Variants in TOP1MT observed in about 807,000 individuals in gnomAD.
TOP1MT encodes DNA topoisomerase I mitochondrial, also known as DNA topoisomerase I, mitochondrial.
TOP1MT carries 80 observed loss-of-function variants against 73.9 expected under a neutral mutation model. That is an observed-to-expected ratio of 1.08 (90% CI 0.90 to 1.30). The LOEUF is 1.30. Among genes scored for constraint, TOP1MT ranks in the 50% most tolerant of loss-of-function variants. The pLI, the probability that TOP1MT is intolerant of heterozygous loss-of-function variation, is 0.00. For synonymous variants in TOP1MT, 338 were observed against 326.4 expected, an observed-to-expected ratio of 1.04 and a Z score of -0.38; for missense variants, 815 against 808.0, an observed-to-expected ratio of 1.01 and a Z score of -0.10.
intron 8 of TOP1MT, among the ~76,000 whole-genome samples, chr8:143,319,759 T>G (rs1816277311): frequency 6.6e-6 from 1 of 150,862 alleles, no homozygotes; most frequent in Non-Finnish European, 1.5e-5. Flanking sequence ...CCCTCCCAGG[T>G]GTACTGGGGT....
At chr8:143,345,970 G>C (rs1181232043), upstream of TOP1MT, among the ~76,000 whole-genome samples, 1 of 152,240 alleles carries the variant, frequency 6.6e-6, no homozygotes, top group Admixed American at 6.5e-5. Context: ...GGTGATGGTC[G>C]AGTGTGTGTG....
At chr8:143,331,734 A>G (rs1189003701) in intron 1 of TOP1MT, 1 of 164,264 alleles carries the variant, frequency 6.1e-6, no homozygotes, top group Non-Finnish European at 1.3e-5. Context: ...CATTTGCTAA[A>G]TAAAGGACCT....
Position 143,334,785 on chromosome 8 carries a change from CG to C in TOP1MT, c.76del (p.Arg26GlyfsTer26). 1 of 1,588,504 alleles carries C rather than the reference CG, an allele frequency of 6.3e-7. No homozygotes were observed. ...CGTCCTGCGCGAGCCCGGGACACCC[CG>C]GGAGGCCGGGCGGCGGGGGACCTCC... ...LGEVPRRPAS[R>X]GVPGSRRTQK... is the part of the protein sequence containing the mutation. On this transcript the variant is annotated frameshift_variant, in exon 1 of 14. Transcript: ENST00000329245. LOFTEE classifies it high-confidence loss of function.
At position 143,325,480 on chromosome 8, in the gene TOP1MT, T is replaced by TA. The variant is rs765162909; in HGVS notation, c.536dup (p.Leu179PhefsTer14). On this transcript the variant is annotated frameshift_variant, in exon 5 of 14. Transcript: ENST00000329245. LOFTEE classifies it high-confidence loss of function. ...TGCCTATTTTTTCTTGGTGACCATC[T>TA]AAAATACAGTAGCCGAACTCTTGCT... is the stretch of plus-strand genomic sequence containing the variant. 12 of 1,613,012 alleles carry TA rather than the reference T, an allele frequency of 7.4e-6. No individual in the cohort carries two copies. The African/African-American group carries it at 1.6e-4, about 21-fold the overall frequency.
chr8:143,347,345 CAG>C (rs1817242131), upstream of TOP1MT, among the ~76,000 whole-genome samples: 1 of 152,176 alleles, frequency 6.6e-6, no homozygotes, highest in African/African-American at 2.4e-5. Flanking sequence ...TTAGTAGAGA[CAG>C]GGTTTCACCA....
chr8:143,337,836 G>A (rs1817008204), upstream of TOP1MT, among the ~76,000 whole-genome samples: 1 of 152,156 alleles, frequency 6.6e-6, no homozygotes, highest in Non-Finnish European at 1.5e-5. Context: ...TTAAAGATCG[G>A]CCCGGACCTA....
intron 9 of TOP1MT, 26 bp downstream of exon 9, chr8:143,317,992 T>C: frequency 6.2e-7 from 1 of 1,613,834 alleles, no homozygotes; most frequent in Middle Eastern, 1.6e-4. Context: ...CGCCGCCCAC[T>C]GCTGAGGAAA....
rs887281439 is a variant in TOP1MT, at chr8:143,341,450, C to A, written c.29+1770G>T. On this transcript the variant is annotated intron_variant, in intron 2 of 5. Coordinates refer to the TOP1MT transcript ENST00000518007. The surrounding 1 kb of genome is among the most constrained non-coding windows in gnomAD (Gnocchi z 4.1). ...TGTGGCCTTGGGACCTTGCCCAGAA[C>A]AGAGAGCACACACCATGAGAGGGGC... Among the ~76,000 whole-genome samples, 1 of 152,208 alleles carries A rather than the reference C, an allele frequency of 6.6e-6. No individual in the cohort carries two copies. Among genetic ancestry groups the A allele is most frequent in the African/African-American group, 2.4e-5 (1 of 41,458 alleles).
Position 143,321,576 on chromosome 8 carries a change from A to ACG in TOP1MT, c.961-191_961-190insCG, listed in dbSNP as rs1407627347. Reference sequence around the variant, plus strand: ...CGCACGCCACACACACGCACGCCACACAGGCACGCCACACGCACGCACGCC... The same window carrying ACG: ...CGCACGCCACACACACGCACGCCACACGCAGGCACGCCACACGCACGCACGCC... On this transcript the variant is annotated intron_variant, in intron 7 of 13. Transcript: ENST00000329245. Among the ~76,000 whole-genome samples the ACG allele has an allele frequency of 2.9e-3, 287 of 100,188 alleles. 2 individuals carry two copies. The highest frequency in any genetic ancestry group is 3.9e-3 in the Non-Finnish European group (190 of 48,910). 65.7% of individuals were successfully genotyped at this position (100,188 alleles called of 152,430 possible).
At chr8:143,332,650 G>A (rs1295675320) in intron 1 of TOP1MT, 4 of 1,082,910 alleles carry the variant, frequency 3.7e-6, no homozygotes, top group Non-Finnish European at 3.7e-6. Flanking sequence ...GGGCCTTTCT[G>A]GCTGTTTCTG....
upstream of TOP1MT, among the ~76,000 whole-genome samples, chr8:143,346,248 C>T (rs923603842): frequency 2.6e-5 from 4 of 152,112 alleles, no homozygotes; most frequent in Admixed American, 6.6e-5. Flanking sequence ...AGAGGAAATG[C>T]CAGGTTCCTA....
intron 3 of TOP1MT, among the ~76,000 whole-genome samples, chr8:143,328,761 G>T (rs549709892): frequency 6.6e-6 from 1 of 152,332 alleles, no homozygotes; most frequent in Admixed American, 6.5e-5. Context: ...AACGCGACCC[G>T]GCCAGAGCCA....
intron 2 of TOP1MT, among the ~76,000 whole-genome samples, chr8:143,340,642 C>T (rs1349541403): frequency 6.6e-6 from 1 of 152,228 alleles, no homozygotes; most frequent in Non-Finnish European, 1.5e-5. Flanking sequence ...GGCGAGGCCA[C>T]GCCGCTGGCT....
chr8:143,355,367 G>A (rs1459888169), intron 1 of TOP1MT: 1 of 152,212 alleles, frequency 6.6e-6, no homozygotes, highest in East Asian at 1.9e-4. Flanking sequence ...CTGCCATCAA[G>A]CCACGGAGGT....
Position 143,324,562 on chromosome 8 carries a change from T to A in TOP1MT, c.739A>T (p.Thr247Ser). Reference protein sequence around the residue: ...WKEVRSDNTVTWLAAWTESVQ... With the variant: ...WKEVRSDNTVSWLAAWTESVQ... ...CTCTCGGTCCAAGCTGCCAGCCACG[T>A]GACGGTGTTATCGGAGCGCACCTCC... The change falls in exon 6 of 14, where the codon ACG (threonine) becomes TCG (serine). Residue 247 changes from threonine (T) to serine (S), a missense_variant. Around this residue, in one of 3 missense-constraint regions of TOP1MT, gnomAD observed 751 missense variants for 725.4 expected, o/e 1.04. Coordinates refer to ENST00000329245, the MANE Select transcript of TOP1MT (RefSeq NM_052963.3). 6.2e-7 allele frequency: 1 copy of A among 1,613,830 alleles called. No individual in the cohort carries two copies.
upstream of TOP1MT, among the ~76,000 whole-genome samples, chr8:143,348,465 G>A (rs909358519): frequency 3.9e-5 from 6 of 151,994 alleles, no homozygotes; most frequent in East Asian, 1.9e-4. This position sits in a 1 kb window ranked among gnomAD's most constrained non-coding sequence, Gnocchi z 4.6. Flanking sequence ...ACCCCCCACC[G>A]ACCTCCCCCA....
chr8:143,317,692 C>T (rs571105617), intron 10 of TOP1MT, 31 bp downstream of exon 10: 15 of 1,578,728 alleles, frequency 9.5e-6, no homozygotes, highest in African/African-American at 2.8e-5. Flanking sequence ...GTGCTCCCCC[C>T]GCGCTGAGTG....
At chr8:143,315,018 G>A (rs1816115217) in intron 12 of TOP1MT, among the ~76,000 whole-genome samples, 1 of 152,170 alleles carries the variant, frequency 6.6e-6, no homozygotes, top group African/African-American at 2.4e-5. Flanking sequence ...CGTCTGGGAA[G>A]ATGCCTATTG....
At chr8:143,322,170 GC>G (rs1816442679) in intron 7 of TOP1MT, among the ~76,000 whole-genome samples, 1 of 64,002 alleles carries the variant, frequency 1.6e-5, no homozygotes, top group Non-Finnish European at 3.0e-5. Context: ...ACACACGCAT[GC>G]CACACGCACG....
Sources: allele counts gnomAD v4.1 joint callset (sites outside exome capture counted in the v4.1 genomes callset), GRCh38; gene constraint gnomAD v4.1.1; regional missense constraint gnomAD v4.1.1; non-coding constraint Gnocchi (gnomAD v3.1); transcripts MANE v1.5; gene names NCBI Gene and HGNC (gene_info 2026-07-23, HGNC 2026-07-21).